The following LEO1 variants were observed in gnomAD, a reference collection of about 807,000 sequenced individuals.
LEO1 encodes the protein LEO1 component of Paf1/RNA polymerase II complex.
LEO1 carries 34 observed loss-of-function variants against 80.4 expected under a neutral mutation model. The observed-to-expected ratio is 0.42, with a 90% CI of 0.32 to 0.56. The LOEUF (loss-of-function observed/expected upper bound fraction) is 0.56. Among genes scored for constraint, LEO1 ranks in the 20% least tolerant of loss-of-function variants. The pLI, the probability that LEO1 is intolerant of heterozygous loss-of-function variation, is 0.10. For synonymous variants in LEO1, 262 were observed against 274.9 expected, an observed-to-expected ratio of 0.95 and a Z score of 0.46; for missense variants, 631 against 814.2, an observed-to-expected ratio of 0.77 and a Z score of 2.74.
At chr15:51,957,042 T>C (rs1225242544) in intron 6 of LEO1, among the ~76,000 whole-genome samples, 1 of 152,128 alleles carries the variant, frequency 6.6e-6, no homozygotes, top group Non-Finnish European at 1.5e-5. Flanking sequence ...TTGCTCAGGC[T>C]GGTCTGAAAC....
chr15:51,943,413 A>G (rs1015943364), intron 11 of LEO1, among the ~76,000 whole-genome samples: 9 of 150,964 alleles, frequency 6.0e-5, no homozygotes, highest in African/African-American at 1.9e-4. Context: ...AAATAAATTT[A>G]AAAATAGGCT....
chr15:51,960,378 A>G (rs2057020605), intron 4 of LEO1, among the ~76,000 whole-genome samples: 1 of 152,224 alleles, frequency 6.6e-6, no homozygotes, highest in Admixed American at 6.5e-5. Flanking sequence ...ATGAGCAAGA[A>G]AAACATTCAA....
intron 9 of LEO1, 94 bp downstream of exon 9, chr15:51,951,750 T>C (rs570403091): frequency 1.3e-4 from 143 of 1,086,088 alleles, no homozygotes; most frequent in Admixed American, 5.6e-4. Context: ...GAGGAAAAGG[T>C]AGGCCAATAA....
At chr15:51,943,853 C>T (rs2056877784) in intron 11 of LEO1, among the ~76,000 whole-genome samples, 1 of 145,384 alleles carries the variant, frequency 6.9e-6, no homozygotes, top group African/African-American at 2.5e-5. Context: ...GTGACCAGAA[C>T]AGCACAATAG....
chr15:51,938,967 C>G (rs1479035472), intron 11 of LEO1, among the ~76,000 whole-genome samples: 1 of 152,104 alleles, frequency 6.6e-6, no homozygotes, highest in African/African-American at 2.4e-5. Flanking sequence ...GGTGGATCAC[C>G]TGAGGTCAGG....
intron 8 of LEO1, among the ~76,000 whole-genome samples, chr15:51,952,812 G>A (rs779262675): frequency 1.9e-4 from 29 of 152,074 alleles, no homozygotes; most frequent in Non-Finnish European, 2.5e-4. Flanking sequence ...TAAAAACAAA[G>A]GACACACTGG....
chr15:51,941,092 T>C (rs561564182), intron 11 of LEO1, among the ~76,000 whole-genome samples: 4 of 141,890 alleles, frequency 2.8e-5, no homozygotes, highest in East Asian at 2.0e-4. Flanking sequence ...AACAAACAAA[T>C]AAATAAATAA....
chr15:51,961,897 C>G (rs1327891499), intron 3 of LEO1, among the ~76,000 whole-genome samples: 1 of 151,870 alleles, frequency 6.6e-6, no homozygotes, highest in Non-Finnish European at 1.5e-5. Flanking sequence ...CGCAGTGATT[C>G]ACGCCTGTAA....
At chr15:51,941,455 G>A (rs1350592508) in intron 11 of LEO1, among the ~76,000 whole-genome samples, 1 of 152,160 alleles carries the variant, frequency 6.6e-6, no homozygotes, top group Admixed American at 6.5e-5. Context: ...ACACAGAGGG[G>A]AGGCTGCCTG....
At chr15:51,940,486 G>A (rs1018627471) in intron 11 of LEO1, among the ~76,000 whole-genome samples, 4 of 150,818 alleles carry the variant, frequency 2.7e-5, no homozygotes, top group South Asian at 4.2e-4. Flanking sequence ...GCTTAAACCC[G>A]GGAGATGGAG....
intron 10 of LEO1, 31 bp from the exon 11 acceptor site, chr15:51,947,420 C>CT (rs745399155): frequency 0.076 from 79,712 of 1,042,300 alleles, no homozygotes; most frequent in South Asian, 0.092. Flanking sequence ...TGTGAGTCAC[C>CT]TTTTTTTTTT....
At position 51,959,919 on chromosome 15, in the gene LEO1, G is replaced by A. The variant is rs2057017191; in HGVS notation, c.1140C>T (p.Asn380=). ...CTTACCTGGGCTCTACACTGAGAAAGTTGGGCAGTTTAACAAAATATAAGT... is the reference window on the plus strand; with the variant it reads ...CTTACCTGGGCTCTACACTGAGAAAATTGGGCAGTTTAACAAAATATAAGT... ...GNDLYFVKLP[N]FLSVEPRPFD... The change falls in exon 5 of 12, where the codon AAC becomes AAT. Residue 380 remains asparagine (N), a synonymous_variant. Coordinates refer to ENST00000299601, the MANE Select transcript of LEO1 (RefSeq NM_138792.4). 6.2e-7 allele frequency: 1 copy of A among 1,610,348 alleles called. No homozygotes were observed. Among genetic ancestry groups the A allele is most frequent in the Non-Finnish European group, 8.5e-7 (1 of 1,178,568 alleles).
intron 11 of LEO1, among the ~76,000 whole-genome samples, chr15:51,946,734 GT>G (rs1394547658): frequency 6.6e-6 from 1 of 151,754 alleles, no homozygotes; most frequent in Non-Finnish European, 1.5e-5. Flanking sequence ...GAGAGATGGG[GT>G]CTCCCTATAT....
chr15:51,966,835 C>T (rs1048823115), intron 1 of LEO1, among the ~76,000 whole-genome samples: 2 of 151,690 alleles, frequency 1.3e-5, no homozygotes, highest in South Asian at 2.1e-4. Flanking sequence ...CACTTGAACC[C>T]GGGAGGCAGA....
intron 7 of LEO1, 82 bp downstream of exon 7, chr15:51,954,399 T>G: frequency 1.2e-6 from 1 of 846,020 alleles, no homozygotes; most frequent in Non-Finnish European, 2.0e-6. Flanking sequence ...AATAATAAAT[T>G]TAAAACTAAA....
chr15:51,944,479 A>G (rs1183623146), intron 11 of LEO1, among the ~76,000 whole-genome samples: 3 of 152,206 alleles, frequency 2.0e-5, no homozygotes, highest in Non-Finnish European at 1.5e-5. Context: ...TTTCAGCTAC[A>G]TAGCTTTACA....
chr15:51,969,863 G>C (rs1045740031), intron 1 of LEO1, among the ~76,000 whole-genome samples: 5 of 113,918 alleles, frequency 4.4e-5, no homozygotes, highest in African/African-American at 1.7e-4. Context: ...AAAAAAAAAA[G>C]ATGTTCAGCA....
chr15:51,967,703 C>T (rs1167721922), intron 1 of LEO1, among the ~76,000 whole-genome samples: 1 of 152,190 alleles, frequency 6.6e-6, no homozygotes, highest in Non-Finnish European at 1.5e-5. Flanking sequence ...GATTTTTCAT[C>T]AGAAACCAAG....
intron 11 of LEO1, among the ~76,000 whole-genome samples, chr15:51,939,535 C>T (rs537647684): frequency 6.6e-6 from 1 of 152,302 alleles, no homozygotes; most frequent in South Asian, 2.1e-4. Flanking sequence ...ACCTAAACAG[C>T]AATATTGAAA....
Sources: gnomAD v4.1 joint callset for allele counts (sites outside exome capture counted in the v4.1 genomes callset) on GRCh38, gnomAD v4.1.1 for gene constraint, MANE v1.5 for transcripts, NCBI Gene and HGNC (gene_info 2026-07-23, HGNC 2026-07-21) for gene names.